The following OSBPL10 variants were observed in gnomAD, a reference collection of about 807,000 sequenced individuals.
OSBPL10 encodes the protein oxysterol-binding protein-related protein 10.
A neutral mutation model predicts 81.7 loss-of-function variants in OSBPL10; 49 were observed. That is an observed-to-expected ratio of 0.60 (90% CI 0.48 to 0.76). OSBPL10 has a LOEUF of 0.76. OSBPL10 is among the 30% of genes least tolerant of loss of function. OSBPL10 has a pLI of 0.00. For missense variants in OSBPL10, 923 were observed against 987.8 expected (o/e 0.93, Z 0.88); for synonymous variants, 419 against 383.6 (o/e 1.09, Z -1.08).
chr3:31,950,504 T>C (rs1697835833), intron 1 of OSBPL10, among the ~76,000 whole-genome samples: 1 of 152,218 alleles, frequency 6.6e-6, no homozygotes, highest in Non-Finnish European at 1.5e-5. Flanking sequence ...TATACCCTAC[T>C]GGATGGCATT....
intron 1 of OSBPL10, among the ~76,000 whole-genome samples, chr3:32,055,432 G>T (rs576104388): frequency 6.6e-6 from 1 of 151,534 alleles, no homozygotes; most frequent in South Asian, 2.1e-4. Context: ...TCCTAACCTC[G>T]TGACCCACCC....
upstream of OSBPL10, among the ~76,000 whole-genome samples, chr3:31,985,104 T>C (rs956099177): frequency 2.6e-5 from 4 of 152,152 alleles, no homozygotes; most frequent in Non-Finnish European, 5.9e-5. Flanking sequence ...CTGGGCGTGG[T>C]CATACACGCC....
intron 4 of OSBPL10, among the ~76,000 whole-genome samples, chr3:31,827,920 C>T (rs983759196): frequency 6.6e-6 from 1 of 152,192 alleles, no homozygotes; most frequent in African/African-American, 2.4e-5. Flanking sequence ...AGAAAACATT[C>T]TGTTGAATCA....
intron 6 of OSBPL10, chr3:31,719,020 A>C (rs1007395092): frequency 2.0e-5 from 3 of 152,222 alleles, no homozygotes; most frequent in Non-Finnish European, 2.9e-5. Flanking sequence ...AAATGTATAT[A>C]TCAGTTAGTG....
intron 1 of OSBPL10, among the ~76,000 whole-genome samples, chr3:31,962,964 G>C (rs1037539780): frequency 6.6e-6 from 1 of 152,140 alleles, no homozygotes; most frequent in African/African-American, 2.4e-5. Flanking sequence ...CACTTTTGTG[G>C]CAATTTCAAA....
chr3:31,719,084 C>A (rs1008482318), intron 6 of OSBPL10, among the ~76,000 whole-genome samples: 4 of 152,190 alleles, frequency 2.6e-5, no homozygotes, highest in Admixed American at 2.6e-4. Context: ...TGTAGAATCA[C>A]CTGCTGGCTC....
At chr3:31,948,766 A>G (rs1697776157) in intron 1 of OSBPL10, among the ~76,000 whole-genome samples, 1 of 152,128 alleles carries the variant, frequency 6.6e-6, no homozygotes, top group East Asian at 1.9e-4. Flanking sequence ...CCCCAAATCA[A>G]GTTTTCTGTA....
intron 1 of OSBPL10, among the ~76,000 whole-genome samples, chr3:31,930,518 T>C (rs1334259768): frequency 6.6e-6 from 1 of 152,210 alleles, no homozygotes; most frequent in Admixed American, 6.5e-5. Flanking sequence ...GTACAGGTAT[T>C]GCAATGTAGA....
intron 8 of OSBPL10, among the ~76,000 whole-genome samples, chr3:31,680,308 C>A (rs1700609417): frequency 6.6e-6 from 1 of 152,208 alleles, no homozygotes; most frequent in Non-Finnish European, 1.5e-5. Flanking sequence ...CCACCGCCTG[C>A]TGCTCAACCC....
intron 4 of OSBPL10, among the ~76,000 whole-genome samples, chr3:31,782,384 G>T (rs1422435808): frequency 6.6e-6 from 1 of 152,088 alleles, no homozygotes; most frequent in Non-Finnish European, 1.5e-5. Flanking sequence ...TAGGCAAAGA[G>T]TTCATTACCA....
At chr3:31,694,279 G>A (rs1403665918) in intron 7 of OSBPL10, among the ~76,000 whole-genome samples, 1 of 143,884 alleles carries the variant, frequency 7.0e-6, no homozygotes, top group Non-Finnish European at 1.5e-5. Context: ...GCTGAGGCAG[G>A]AGAATCACTT....
intron 2 of OSBPL10, among the ~76,000 whole-genome samples, chr3:32,006,532 C>A (rs761507012): frequency 3.0e-4 from 45 of 152,192 alleles, no homozygotes; most frequent in African/African-American, 1.1e-3. Context: ...TACCTCTCTT[C>A]TACCCCCAAA....
intron 1 of OSBPL10, among the ~76,000 whole-genome samples, chr3:31,910,844 C>G (rs1696554524): frequency 1.3e-5 from 2 of 152,164 alleles, no homozygotes; most frequent in Admixed American, 6.5e-5. Context: ...TTATAGCATA[C>G]TTAAATTAAT....
chr3:31,683,705 C>T lies in OSBPL10; in HGVS notation c.1655G>A (p.Cys552Tyr). The change falls in exon 8 of 12, where the codon TGC becomes TAC. Residue 552 changes from cysteine to tyrosine, a missense_variant. Cys to Tyr is a radical substitution (Grantham distance 194). Coordinates refer to ENST00000396556, the MANE Select transcript of OSBPL10 (RefSeq NM_017784.5). ...TTTGGTCCATACATGAGTGTTGACGCACAGTCTCTTCTCCTCGCACTCACA... is the reference window on the plus strand; with the variant it reads ...TTTGGTCCATACATGAGTGTTGACGTACAGTCTCTTCTCCTCGCACTCACA... Reference protein sequence around the residue: ...FYCECEEKRLCVNTHVWTKSK... With the variant: ...FYCECEEKRLYVNTHVWTKSK... 3.1e-6 allele frequency: 5 copies of T among 1,614,202 alleles called. No individual in the cohort carries two copies. The highest frequency in any genetic ancestry group is 4.2e-6 in the Non-Finnish European group (5 of 1,180,036).
chr3:32,067,087 T>G (rs1299091208), intron 1 of OSBPL10, among the ~76,000 whole-genome samples: 1 of 152,152 alleles, frequency 6.6e-6, no homozygotes, highest in East Asian at 1.9e-4. Flanking sequence ...TTGTCCTGCT[T>G]AAGCAACCTT....
intron 7 of OSBPL10, among the ~76,000 whole-genome samples, chr3:31,695,007 A>T (rs1695670616): frequency 6.6e-6 from 1 of 151,970 alleles, no homozygotes; most frequent in African/African-American, 2.4e-5. Flanking sequence ...GCCCACCTCA[A>T]CCTCCCAAAG....
At chr3:31,720,224 T>C (rs1018596334) in intron 6 of OSBPL10, among the ~76,000 whole-genome samples, 1 of 152,128 alleles carries the variant, frequency 6.6e-6, no homozygotes, top group African/African-American at 2.4e-5. Flanking sequence ...ATAATTATGC[T>C]GTTTTACAAT....
chr3:31,688,469 C>T (rs1700855960), intron 7 of OSBPL10, among the ~76,000 whole-genome samples: 1 of 152,128 alleles, frequency 6.6e-6, no homozygotes, highest in Admixed American at 6.5e-5. Flanking sequence ...CTGCACCTCA[C>T]ACATATCTCC....
chr3:31,939,716 A>T (rs1697483689), intron 1 of OSBPL10, among the ~76,000 whole-genome samples: 2 of 151,992 alleles, frequency 1.3e-5, no homozygotes, highest in Non-Finnish European at 2.9e-5. Context: ...CCCTCAATTC[A>T]TGCACACACT....
Sources: gnomAD v4.1 joint callset for allele counts (sites outside exome capture counted in the v4.1 genomes callset) on GRCh38, gnomAD v4.1.1 for gene constraint, MANE v1.5 for transcripts, NCBI Gene and HGNC (gene_info 2026-07-23, HGNC 2026-07-21) for gene names.